PLEKHA6: variants seen among roughly 807,000 people sequenced by gnomAD.
PLEKHA6 encodes pleckstrin homology domain containing A6.
A neutral mutation model predicts 116.7 loss-of-function variants in PLEKHA6; 60 were observed. That is an observed-to-expected ratio of 0.51 (90% CI 0.42 to 0.64). The LOEUF (loss-of-function observed/expected upper bound fraction) is 0.64, where lower values mean the gene tolerates loss of function less well. PLEKHA6 is among the 30% of genes least tolerant of loss of function. The probability of loss-of-function intolerance (pLI) is 0.00; values close to 1 mark genes in which losing one functional copy is unlikely to be tolerated. For missense variants in PLEKHA6, 1,338 were observed against 1,422.7 expected (o/e 0.94, Z 0.96); for synonymous variants, 489 against 556.1 (o/e 0.88, Z 1.70).
intron 10 of PLEKHA6, among the ~76,000 whole-genome samples, 172 bp downstream of exon 10, chr1:204,250,374 G>A (rs957655301): frequency 1.3e-5 from 2 of 152,188 alleles, no homozygotes; most frequent in Non-Finnish European, 2.9e-5. Context: ...GCAGAATCTT[G>A]TTGTGGTGAG....
intron 9 of PLEKHA6, chr1:204,255,673 G>C: frequency 1.4e-6 from 1 of 702,916 alleles, no homozygotes. Flanking sequence ...AGATCTAAAA[G>C]TTCATCCTAC....
At chr1:204,296,882 T>G (rs1353701852) in intron 1 of PLEKHA6, among the ~76,000 whole-genome samples, 1 of 152,086 alleles carries the variant, frequency 6.6e-6, no homozygotes, top group African/African-American at 2.4e-5. Context: ...GCAGAGAGCG[T>G]GGACGGAAAT....
intron 12 of PLEKHA6, 48 bp from the exon 13 acceptor site, chr1:204,247,508 A>T (rs777467464): frequency 1.6e-6 from 2 of 1,233,180 alleles, no homozygotes; most frequent in Non-Finnish European, 2.4e-6. Flanking sequence ...TCACCAAGGC[A>T]TTCCTCCTTA....
At position 204,372,597 on chromosome 1, in the gene PLEKHA6, A is replaced by T. The variant is rs180691860; in HGVS notation, c.84-991T>A. The stretch of plus-strand genomic sequence containing the variant: ...AACTCCACTAAGAAAGACTCCATTA[A>T]ACTTTTATTAAAATGAGATATCGAA... On this transcript the variant is annotated intron_variant, in intron 1 of 4. Coordinates refer to the PLEKHA6 transcript ENST00000564627. Among the ~76,000 whole-genome samples the T allele has an allele frequency of 3.3e-5, 5 of 152,328 alleles. No individual in the cohort carries two copies. The East Asian group carries it at 9.6e-4, about 29-fold the overall frequency.
chr1:204,235,027 T>C, intron 17 of PLEKHA6, among the ~76,000 whole-genome samples: 1 of 129,086 alleles, frequency 7.7e-6, no homozygotes, highest in Non-Finnish European at 1.6e-5. Flanking sequence ...ATAGCAGATA[T>C]ATATATATAT....
intron 1 of PLEKHA6, among the ~76,000 whole-genome samples, chr1:204,343,677 T>G (rs1387938950): frequency 6.6e-6 from 1 of 152,134 alleles, no homozygotes; most frequent in Non-Finnish European, 1.5e-5. Context: ...TGATACAAGT[T>G]GAAACTGTCT....
chr1:204,258,550 C>T (rs908572869), intron 8 of PLEKHA6, among the ~76,000 whole-genome samples: 3 of 152,360 alleles, frequency 2.0e-5, no homozygotes, highest in Middle Eastern at 3.4e-3. Context: ...AATGCGCAGC[C>T]GCTCAGGCCA....
upstream of PLEKHA6, among the ~76,000 whole-genome samples, chr1:204,364,714 G>A (rs1052931610): frequency 6.6e-6 from 1 of 152,142 alleles, no homozygotes; most frequent in Admixed American, 6.5e-5. Flanking sequence ...CCCTGCCCTT[G>A]ATGAGTTTTC....
At chr1:204,333,042 T>G (rs548763725) in intron 1 of PLEKHA6, among the ~76,000 whole-genome samples, 97 of 152,296 alleles carry the variant, frequency 6.4e-4, no homozygotes, top group African/African-American at 2.3e-3. Flanking sequence ...CTGCAATGCC[T>G]CCGCCAAATG....
intron 1 of PLEKHA6, chr1:204,299,752 GAGCT>G: frequency 2.8e-6 from 1 of 360,322 alleles, no homozygotes; most frequent in Non-Finnish European, 3.9e-6. Flanking sequence ...CCAATTCCAT[GAGCT>G]AATGTCCCCT....
At chr1:204,242,785 A>C (rs557618816) in intron 15 of PLEKHA6, among the ~76,000 whole-genome samples, 2 of 152,264 alleles carry the variant, frequency 1.3e-5, no homozygotes, top group African/African-American at 4.8e-5. Flanking sequence ...TGAGAGTATC[A>C]CTCAGTCCCC....
At position 204,221,416 on chromosome 1, in the gene PLEKHA6, C is replaced by CGTCTCCA. The variant is rs1659624257; in HGVS notation, c.*1365_*1371dup. ...CTCCTTCCTCCTCTCTGGCTACATT[C>CGTCTCCA]GTCTCCAGGTGGGTGGAGCTGAGGA... On this transcript the variant is annotated 3_prime_UTR_variant, in exon 23 of 23. Transcript: ENST00000272203. The CGTCTCCA allele has an allele frequency of 6.6e-6, 1 of 152,636 alleles. No individual in the cohort carries two copies. Among genetic ancestry groups the CGTCTCCA allele is most frequent in the East Asian group, 1.9e-4 (1 of 5,182 alleles). 9.5% of individuals were successfully genotyped at this position (152,636 alleles called of 1,614,324 possible). A position where few individuals can be genotyped will look rare whatever the true frequency, so the allele number is the denominator to read the frequency against.
intron 1 of PLEKHA6, among the ~76,000 whole-genome samples, chr1:204,305,285 A>G (rs2103111697): frequency 6.6e-6 from 1 of 152,294 alleles, no homozygotes; most frequent in East Asian, 1.9e-4. Flanking sequence ...CAGGTAAAGG[A>G]AAGTGCGTGC....
chr1:204,225,027 A>C (rs534507896), intron 21 of PLEKHA6, among the ~76,000 whole-genome samples: 5 of 152,292 alleles, frequency 3.3e-5, no homozygotes, highest in African/African-American at 1.2e-4. Flanking sequence ...AAAGGTGTTG[A>C]CTCGCTGGGT....
chr1:204,331,829 G>C (rs1672462935), intron 1 of PLEKHA6, among the ~76,000 whole-genome samples: 1 of 151,816 alleles, frequency 6.6e-6, no homozygotes, highest in Non-Finnish European at 1.5e-5. Context: ...TCCCCCCCGG[G>C]TCCCAAAGCC....
chr1:204,316,175 G>C (rs919678290), intron 1 of PLEKHA6, among the ~76,000 whole-genome samples: 1 of 152,202 alleles, frequency 6.6e-6, no homozygotes, highest in Non-Finnish European at 1.5e-5. Flanking sequence ...CTCCCAGTGG[G>C]AGGAAGCTAG....
At chr1:204,224,228 T>G (rs1468312140) in intron 21 of PLEKHA6, among the ~76,000 whole-genome samples, 4 of 152,110 alleles carry the variant, frequency 2.6e-5, no homozygotes, top group African/African-American at 9.7e-5. Context: ...AAATGATGTT[T>G]GAATTAATGA....
chr1:204,230,415 C>T lies in PLEKHA6; in HGVS notation c.2581G>A (p.Val861Met), dbSNP rs1161028995. 6.3e-7 allele frequency: 1 copy of T among 1,577,092 alleles called. No individual in the cohort carries two copies. The highest frequency in any genetic ancestry group is 1.8e-5 in the Admixed American group (1 of 54,374). ...PDPSPRPAYK[V>M]VRRHRSIHEV... ...GTGGGTAGCTGGGAAGGCATTACCA[C>T]TTTGTAGGCTGGCCGGGGACTGGGG... The change falls in exon 18 of 23, where the codon GTG becomes ATG. Residue 861 changes from valine to methionine, a missense_variant and splice_region_variant. Physicochemically the swap from Val to Met is conservative, Grantham distance 21. Coordinates refer to ENST00000272203, the MANE Select transcript of PLEKHA6 (RefSeq NM_014935.5).
At position 204,227,957 on chromosome 1, in the gene PLEKHA6, G is replaced by A. The variant is rs59608111; in HGVS notation, c.3031+126C>T. 5,032 of 998,570 alleles carry A rather than the reference G, an allele frequency of 5.0e-3. 27 individuals are homozygous for A. The highest frequency in any genetic ancestry group is 0.017 in the South Asian group (1,007 of 59,960). The allele number at this position is 998,570 out of a possible 1,614,324, so 61.9% of individuals were successfully genotyped here. On this transcript the variant is annotated intron_variant, in intron 21 of 22. Transcript: ENST00000272203. ...CTCAACAGATGCTCGTCTCAACCTC[G>A]AGGAGCATCTCCTCAGCCTTGTATC...
Sources: gnomAD v4.1 joint callset for allele counts (sites outside exome capture counted in the v4.1 genomes callset) on GRCh38, gnomAD v4.1.1 for gene constraint, MANE v1.5 for transcripts, NCBI Gene and HGNC (gene_info 2026-07-23, HGNC 2026-07-21) for gene names.